The following PCNT variants were observed in gnomAD, a reference collection of about 807,000 sequenced individuals.
The protein encoded by PCNT is kendrin.
A neutral mutation model predicts 380.4 loss-of-function variants in PCNT; 319 were observed. That is an observed-to-expected ratio of 0.84 (90% CI 0.77 to 0.92). The LOEUF (loss-of-function observed/expected upper bound fraction) is 0.92, where lower values mean the gene tolerates loss of function less well. PCNT is among the 40% of genes least tolerant of loss of function. The pLI is 0.00. For missense variants in PCNT, 4,400 were observed against 4,255.3 expected, an observed-to-expected ratio of 1.03 and a Z score of -0.95; for synonymous variants, 1,845 against 1,735.2, an observed-to-expected ratio of 1.06 and a Z score of -1.57.
chr21:46,438,210 T>C lies in PCNT; in HGVS notation c.9146T>C (p.Leu3049Pro), dbSNP rs794727667. 1.9e-6 allele frequency: 3 copies of C among 1,614,202 alleles called. No individual in the cohort carries two copies. Among genetic ancestry groups the C allele is most frequent in the Non-Finnish European group, 2.5e-6 (3 of 1,179,994 alleles). The change falls in exon 41 of 47, where the codon CTG (leucine) becomes CCG (proline). Residue 3049 changes from leucine (L) to proline (P), a missense_variant. Transcript: ENST00000359568. ...CAGTTCCAGTTTGTGGACGTCCTGC[T>C]GAAAGACAATGTTTCCCTCACAAAA... The part of the protein sequence containing the change: ...ELQFQFVDVL[L>P]KDNVSLTKAL...
chr21:46,347,114 T>C (rs1221965737), intron 5 of PCNT, 116 bp downstream of exon 5: 1 of 1,279,030 alleles, frequency 7.8e-7, no homozygotes, highest in Non-Finnish European at 1.1e-6. Context: ...CCCATCTCTG[T>C]TCTCAGCACC....
In PCNT at chr21:46,346,946, G is replaced by C. The variant is rs146178359; in HGVS notation, c.924G>C (p.Glu308Asp). Residue 308 changes from glutamate (E) to aspartate (D), a missense_variant, in exon 5 of 47, where the codon GAG becomes GAC. By Grantham distance (45) the Glu-to-Asp change is conservative. Transcript: ENST00000359568. ...RQQHELELLR[E>D]QHAREKEEVV... is the part of the protein sequence containing the mutation. ...AGCACGAGCTGGAGCTCCTCAGGGA[G>C]CAGCACGCACGGGAGAAGGAGGAGG... The C allele has an allele frequency of 6.9e-5, 110 of 1,598,206 alleles. No individual in the cohort carries two copies. The highest frequency in any genetic ancestry group is 9.2e-5 in the Non-Finnish European group (108 of 1,174,372).
At position 46,397,944 on chromosome 21, in the gene PCNT, G is replaced by C. The variant is rs531482003; in HGVS notation, c.4447-70G>C. ...CACTTGTACGTGCAGTGGAAGCCTG[G>C]GTGGACCTTCGCTGCAAGGGGCACG... On this transcript the variant is annotated intron_variant, in intron 22 of 46. Coordinates refer to ENST00000359568, the MANE Select transcript of PCNT (RefSeq NM_006031.6). The C allele has an allele frequency of 3.3e-6, 4 of 1,201,296 alleles. No individual in the cohort carries two copies. In the African/African-American group the frequency reaches 6.0e-5, roughly 18 times the overall value. 74.4% of individuals were successfully genotyped at this position (1,201,296 alleles called of 1,614,324 possible).
In PCNT at chr21:46,425,332, C is replaced by T. The variant is rs571575978; in HGVS notation, c.7180-499C>T. On this transcript the variant is annotated intron_variant, in intron 32 of 46. Transcript: ENST00000359568. This position sits in a 1 kb window ranked among gnomAD's most constrained non-coding sequence, Gnocchi z 4.2. The stretch of plus-strand genomic sequence containing the variant: ...TTTTCTCTGCTCCCCGTGCCCAGCA[C>T]AGGCAGCTTCACCCCACGCTGGTGG... 1.0e-3 allele frequency among the ~76,000 whole-genome samples: 152 copies of T among 152,378 alleles called. No homozygotes were observed. Among genetic ancestry groups the T allele is most frequent in the African/African-American group, 3.5e-3 (145 of 41,590 alleles).
chr21:46,442,556 G>T lies in PCNT; in HGVS notation c.9683G>T (p.Gly3228Val), dbSNP rs759836590. 6.2e-7 allele frequency: 1 copy of T among 1,610,080 alleles called. No homozygotes were observed. The change falls in exon 44 of 47, where the codon GGC becomes GTC. Residue 3228 changes from glycine to valine, a missense_variant. Transcript: ENST00000359568. ...GATCGGAAAGGAGCTCTGGCACAAG[G>T]CAAAGCCCCTCGCCCAGGTGGGACT... is the stretch of plus-strand genomic sequence containing the variant. ...EVDRKGALAQGKAPRPGPRAR... is the reference protein window; with the variant it reads ...EVDRKGALAQVKAPRPGPRAR...
chr21:46,440,335 G>C (rs541904515), intron 42 of PCNT, 133 bp downstream of exon 42: 7 of 923,332 alleles, frequency 7.6e-6, no homozygotes, highest in South Asian at 1.3e-5. Context: ...TAAAGGAAAG[G>C]ACGTTCACAG....
At position 46,388,029 on chromosome 21, in the gene PCNT, T is replaced by G. The variant is rs1430007429; in HGVS notation, c.3465-713T>G. Among the ~76,000 whole-genome samples the G allele has an allele frequency of 1.3e-5, 2 of 151,622 alleles. No individual in the cohort carries two copies. Among genetic ancestry groups the G allele is most frequent in the African/African-American group, 4.9e-5 (2 of 41,222 alleles). On this transcript the variant is annotated intron_variant, in intron 17 of 46. Transcript: ENST00000359568. The surrounding 1 kb of genome is among the most constrained non-coding windows in gnomAD (Gnocchi z 4.2). Reference sequence around the variant, plus strand: ...ATCGAGACCATCCTGGCTAACATGGTGAAACCCCATCTCTACTAAAAATAC... The same window carrying G: ...ATCGAGACCATCCTGGCTAACATGGGGAAACCCCATCTCTACTAAAAATAC...
intron 15 of PCNT, among the ~76,000 whole-genome samples, chr21:46,375,829 G>A (rs931733383): frequency 3.9e-5 from 6 of 152,254 alleles, no homozygotes; most frequent in Non-Finnish European, 8.8e-5. Context: ...TCCTCTGCAG[G>A]TCTGCCGAAG....
intron 11 of PCNT, 124 bp downstream of exon 11, chr21:46,354,192 T>C: frequency 1.2e-6 from 1 of 854,822 alleles, no homozygotes; most frequent in Non-Finnish European, 1.9e-6. Flanking sequence ...GAAGGCTGCT[T>C]GCGGATGCTG....
intron 19 of PCNT, among the ~76,000 whole-genome samples, chr21:46,390,096 C>T (rs542770305): frequency 9.2e-5 from 14 of 152,372 alleles, no homozygotes; most frequent in Admixed American, 5.2e-4. Flanking sequence ...TGGCCGTGGA[C>T]GGCCTCATGG....
Position 46,391,245 on chromosome 21 carries a change from T to TGCTGGA in PCNT, c.4093_4098dup (p.Leu1365_Glu1366dup). On this transcript the variant is annotated inframe_insertion, in exon 21 of 47. Transcript: ENST00000359568. ...AAGGAGGATTCCGAGCACCGTCTGG[T>TGCTGGA]GCTGGAGCTGGAGAGCCTGAGACGG... 6.2e-7 allele frequency: 1 copy of TGCTGGA among 1,605,700 alleles called. No homozygotes were observed. Among genetic ancestry groups the TGCTGGA allele is most frequent in the Non-Finnish European group, 8.5e-7 (1 of 1,176,532 alleles).
At chr21:46,385,745 A>G in intron 16 of PCNT, 87 bp from the exon 17 acceptor site, 1 of 1,420,030 alleles carries the variant, frequency 7.0e-7, no homozygotes, top group Non-Finnish European at 1.0e-6. Flanking sequence ...AGACTCTCAA[A>G]TACTGAAATT....
chr21:46,382,514 C>T lies in PCNT; in HGVS notation c.3312+674C>T, dbSNP rs1438172656. ...ATTCACGGTGTTGTGCATTCAGTGG[C>T]AGAAGCTCATTCACAGTGTTGTGCA... is the stretch of plus-strand genomic sequence containing the variant. On this transcript the variant is annotated intron_variant, in intron 16 of 46. Coordinates refer to ENST00000359568, the MANE Select transcript of PCNT (RefSeq NM_006031.6). Among the ~76,000 whole-genome samples, 3 of 140,798 alleles carry T rather than the reference C, an allele frequency of 2.1e-5. 1 individual carries two copies. The highest frequency in any genetic ancestry group is 4.6e-5 in the Non-Finnish European group (3 of 65,356). 92.4% of individuals were successfully genotyped at this position (140,798 alleles called of 152,430 possible).
At chr21:46,327,822 ATGG>A (rs1472421292) in intron 2 of PCNT, among the ~76,000 whole-genome samples, 1 of 152,228 alleles carries the variant, frequency 6.6e-6, no homozygotes, top group East Asian at 1.9e-4. Flanking sequence ...TGTTGCAGAC[ATGG>A]TGTGTTGCTG....
chr21:46,356,479 C>T (rs1360300097), intron 12 of PCNT, among the ~76,000 whole-genome samples: 3 of 152,246 alleles, frequency 2.0e-5, no homozygotes, highest in Non-Finnish European at 2.9e-5. Flanking sequence ...TTTTCCTCTT[C>T]TGCAGAAGAA....
chr21:46,370,647 T>C (rs1187665775), intron 15 of PCNT, among the ~76,000 whole-genome samples: 1 of 152,128 alleles, frequency 6.6e-6, no homozygotes, highest in African/African-American at 2.4e-5. Context: ...GGCTCATGCC[T>C]GTAATCCCAG....
At chr21:46,378,098 A>G (rs1032160373) in intron 15 of PCNT, among the ~76,000 whole-genome samples, 1 of 151,726 alleles carries the variant, frequency 6.6e-6, no homozygotes, top group Admixed American at 6.6e-5. Flanking sequence ...GTATTCCTCC[A>G]TTACTGCCTT....
intron 27 of PCNT, among the ~76,000 whole-genome samples, chr21:46,407,344 T>TC: frequency 7.2e-6 from 1 of 138,222 alleles, no homozygotes; most frequent in South Asian, 2.3e-4. Context: ...CTTTCTCTTT[T>TC]TTTTTTTTTT....
intron 3 of PCNT, 84 bp downstream of exon 3, chr21:46,334,852 T>A: frequency 6.3e-7 from 1 of 1,597,492 alleles, no homozygotes; most frequent in Non-Finnish European, 8.6e-7. Flanking sequence ...TGAGAGGACC[T>A]TCCATCTCTG....
Sources: allele counts gnomAD v4.1 joint callset (sites outside exome capture counted in the v4.1 genomes callset), GRCh38; gene constraint gnomAD v4.1.1; non-coding constraint Gnocchi (gnomAD v3.1); transcripts MANE v1.5; gene names NCBI Gene and HGNC (gene_info 2026-07-23, HGNC 2026-07-21).